The following MMP24 variants were observed in gnomAD, a reference collection of about 807,000 sequenced individuals.
MMP24 encodes matrix metallopeptidase 24.
A neutral mutation model predicts 62.8 loss-of-function variants in MMP24; 25 were observed. The observed-to-expected ratio is 0.40, with a 90% CI of 0.29 to 0.56. MMP24 has a LOEUF of 0.56. Ranked by LOEUF, MMP24 falls within the 20% of genes least tolerant of loss-of-function variation. The probability of loss-of-function intolerance (pLI) is 0.50; values close to 1 mark genes in which losing one functional copy is unlikely to be tolerated. For missense variants in MMP24, 634 were observed against 853.6 expected, an observed-to-expected ratio of 0.74 and a Z score of 3.21; for synonymous variants, 319 against 350.5, an observed-to-expected ratio of 0.91 and a Z score of 1.00.
rs1299664220 is a variant in MMP24, at chr20:35,252,342, GA to G, written c.512+326del. Among the ~76,000 whole-genome samples the G allele has an allele frequency of 3.3e-5, 5 of 152,132 alleles. No homozygotes were observed. In the East Asian group the frequency reaches 7.7e-4, roughly 23 times the overall value. The stretch of plus-strand genomic sequence containing the variant: ...GAATGGTTTGGTAACTTTCAGCTGT[GA>G]AAAAGAATCGTGGCTTGCAGTGAGC... On this transcript the variant is annotated intron_variant, in intron 3 of 8. Coordinates refer to ENST00000246186, the MANE Select transcript of MMP24 (RefSeq NM_006690.4).
intron 1 of MMP24, among the ~76,000 whole-genome samples, chr20:35,243,101 C>A (rs771943662): frequency 6.6e-6 from 1 of 152,074 alleles, no homozygotes; most frequent in Non-Finnish European, 1.5e-5. Flanking sequence ...ATCACTTGAA[C>A]CTCGGGGGTG....
chr20:35,250,926 A>C (rs763226843), intron 2 of MMP24, among the ~76,000 whole-genome samples: 6 of 152,184 alleles, frequency 3.9e-5, no homozygotes, highest in Non-Finnish European at 7.3e-5. Context: ...TAACAAACAG[A>C]TATCAGGATT....
intron 4 of MMP24, among the ~76,000 whole-genome samples, chr20:35,259,143 T>C (rs1484598016): frequency 6.6e-6 from 1 of 152,140 alleles, no homozygotes; most frequent in Non-Finnish European, 1.5e-5. Flanking sequence ...ATTGCACCAC[T>C]ACACTCCAAC....
At chr20:35,239,424 C>A (rs1446100215) in intron 1 of MMP24, among the ~76,000 whole-genome samples, 1 of 152,074 alleles carries the variant, frequency 6.6e-6, no homozygotes, top group African/African-American at 2.4e-5. Flanking sequence ...GCTCTTTTAG[C>A]CCTAGCACAC....
At chr20:35,242,360 T>A (rs868637926) in intron 1 of MMP24, among the ~76,000 whole-genome samples, 1 of 151,778 alleles carries the variant, frequency 6.6e-6, no homozygotes, top group Non-Finnish European at 1.5e-5. Flanking sequence ...AAAATTAAAT[T>A]TAAAAAAAGC....
intron 4 of MMP24, 127 bp downstream of exon 4, chr20:35,254,881 G>T (rs1390333609): frequency 9.4e-7 from 1 of 1,062,130 alleles, no homozygotes; most frequent in Non-Finnish European, 1.3e-6. Flanking sequence ...CCGTAAGAGG[G>T]TGGGAACTGT....
chr20:35,250,460 G>A (rs2060539142), intron 2 of MMP24, among the ~76,000 whole-genome samples: 1 of 152,004 alleles, frequency 6.6e-6, no homozygotes, highest in Non-Finnish European at 1.5e-5. Context: ...CTACTCAGGA[G>A]GTTGAGGCAG....
chr20:35,231,298 GAGAACAGTCTTT>G (rs2060436271), intron 1 of MMP24, among the ~76,000 whole-genome samples: 1 of 152,172 alleles, frequency 6.6e-6, no homozygotes. Flanking sequence ...TGAGGAGATG[GAGAACAGTCTTT>G]GGTTTGAAAC....
chr20:35,276,150 G>A lies in MMP24; in HGVS notation c.*1541G>A, dbSNP rs6060342. On this transcript the variant is annotated 3_prime_UTR_variant, in exon 9 of 9. Transcript: ENST00000246186. ...CCTGTGGTCTCTGGGATTGGGGTCG[G>A]CTTACCCTGTAGCACAGACAGGGAC... 5,733 of 398,670 alleles carry A rather than the reference G, an allele frequency of 0.014. 272 individuals are homozygous for A. The highest frequency in any genetic ancestry group is 0.098 in the African/African-American group (4,787 of 48,720). 24.7% of individuals were successfully genotyped at this position (398,670 alleles called of 1,614,324 possible). A position where few individuals can be genotyped will look rare whatever the true frequency, so the allele number is the denominator to read the frequency against.
Position 35,271,238 on chromosome 20 carries a change from T to A in MMP24, c.1334-331T>A, listed in dbSNP as rs991778756. 6.6e-6 allele frequency among the ~76,000 whole-genome samples: 1 copy of A among 152,188 alleles called. No homozygotes were observed. Among genetic ancestry groups the A allele is most frequent in the Non-Finnish European group, 1.5e-5 (1 of 68,020 alleles). ...GGGAGGTCAGGGTTTCTGGCTCTGC[T>A]GCTCAGGTCCAGTGGGAGAGCCTCA... On this transcript the variant is annotated intron_variant, in intron 7 of 8. Transcript: ENST00000246186. The surrounding 1 kb of genome is among the most constrained non-coding windows in gnomAD (Gnocchi z 4.0).
In MMP24 at chr20:35,251,901, C is replaced by G. The variant is rs1251493905; in HGVS notation, c.396-4C>G. Reference sequence around the variant, plus strand: ...GCGTGTGTGTGTGTCCTCTCTCTGCCCAGGTGGATGAAGAAACCCCGATGT... The same window carrying G: ...GCGTGTGTGTGTGTCCTCTCTCTGCGCAGGTGGATGAAGAAACCCCGATGT... On this transcript the variant is annotated splice_polypyrimidine_tract_variant and splice_region_variant and intron_variant, in intron 2 of 8. Transcript: ENST00000246186. 1.2e-6 allele frequency: 2 copies of G among 1,611,514 alleles called. No homozygotes were observed. Among genetic ancestry groups the G allele is most frequent in the Non-Finnish European group, 1.7e-6 (2 of 1,177,800 alleles).
intron 1 of MMP24, among the ~76,000 whole-genome samples, chr20:35,230,220 C>T (rs1480701328): frequency 6.6e-6 from 1 of 152,204 alleles, no homozygotes; most frequent in Non-Finnish European, 1.5e-5. Flanking sequence ...AAACTCGTGA[C>T]CTCAAGTGAT....
intron 2 of MMP24, among the ~76,000 whole-genome samples, chr20:35,249,676 C>T (rs1220369458): frequency 6.6e-6 from 1 of 151,884 alleles, no homozygotes; most frequent in Non-Finnish European, 1.5e-5. Flanking sequence ...GCAAGCTCCA[C>T]CTCCTGGGTT....
intron 3 of MMP24, among the ~76,000 whole-genome samples, chr20:35,253,140 C>G (rs2060556357): frequency 6.6e-6 from 1 of 152,176 alleles, no homozygotes; most frequent in African/African-American, 2.4e-5. Context: ...TGGGTGCTGG[C>G]TGGCACTTCT....
In MMP24 at chr20:35,275,984, G is replaced by C. The variant is rs1022381211; in HGVS notation, c.*1375G>C. Reference sequence around the variant, plus strand: ...AGGCAGCCCTGCTTGTCACTGAGGAGCCCTAGACAAGGCCAATGGGTTCAT... The same window carrying C: ...AGGCAGCCCTGCTTGTCACTGAGGACCCCTAGACAAGGCCAATGGGTTCAT... On this transcript the variant is annotated 3_prime_UTR_variant, in exon 9 of 9. Coordinates refer to ENST00000246186, the MANE Select transcript of MMP24 (RefSeq NM_006690.4). 2.5e-5 allele frequency: 10 copies of C among 398,534 alleles called. No homozygotes were observed. The highest frequency in any genetic ancestry group is 8.8e-5 in the Admixed American group (2 of 22,710). 24.7% of individuals were successfully genotyped at this position (398,534 alleles called of 1,614,324 possible).
chr20:35,227,550 T>C (rs1363241339), intron 1 of MMP24, among the ~76,000 whole-genome samples: 1 of 151,444 alleles, frequency 6.6e-6, no homozygotes, highest in Non-Finnish European at 1.5e-5. Context: ...TAGGAAGAAG[T>C]TTGTAACAAT....
intron 1 of MMP24, among the ~76,000 whole-genome samples, chr20:35,228,794 GA>G (rs1406400068): frequency 6.6e-6 from 1 of 152,060 alleles, no homozygotes; most frequent in Non-Finnish European, 1.5e-5. Flanking sequence ...GAGACCCCTA[GA>G]ATAGCCACAC....
chr20:35,272,442 T>C (rs1398037530), intron 8 of MMP24, among the ~76,000 whole-genome samples: 1 of 152,192 alleles, frequency 6.6e-6, no homozygotes, highest in Non-Finnish European at 1.5e-5. Context: ...TTCACTATGT[T>C]GGCCAGGCTG....
intron 1 of MMP24, among the ~76,000 whole-genome samples, chr20:35,239,439 CTTGGTACAT>C (rs1202522227): frequency 6.6e-6 from 1 of 152,118 alleles, no homozygotes; most frequent in Non-Finnish European, 1.5e-5. Context: ...GCACACAGTA[CTTGGTACAT>C]AGTAGGTCCT....
Sources: gnomAD v4.1 joint callset for allele counts (sites outside exome capture counted in the v4.1 genomes callset) on GRCh38, gnomAD v4.1.1 for gene constraint, Gnocchi (gnomAD v3.1) non-coding constraint, MANE v1.5 for transcripts, NCBI Gene and HGNC (gene_info 2026-07-23, HGNC 2026-07-21) for gene names.